ADAMTS5: variants seen among roughly 807,000 people sequenced by gnomAD.
ADAMTS5 encodes the protein A disintegrin and metalloproteinase with thrombospondin motifs 5.
In ADAMTS5, 54 loss-of-function variants were observed where a neutral mutation model predicts 81.4. The observed-to-expected ratio is 0.66, with a 90% confidence interval of 0.53 to 0.83. The LOEUF (loss-of-function observed/expected upper bound fraction) is 0.83. Ranked by LOEUF, ADAMTS5 falls within the 40% of genes least tolerant of loss-of-function variation. ADAMTS5 has a pLI of 0.00. For synonymous variants in ADAMTS5, 532 were observed against 508.8 expected (o/e 1.05, Z -0.61); for missense variants, 1,194 against 1,229.9 (o/e 0.97, Z 0.44).
intron 1 of ADAMTS5, among the ~76,000 whole-genome samples, chr21:26,964,408 A>G (rs1987595373): frequency 6.6e-6 from 1 of 152,182 alleles, no homozygotes; most frequent in Non-Finnish European, 1.5e-5. Flanking sequence ...CTTCCCCATA[A>G]CCATCTTTCT....
chr21:26,943,461 TGG>T lies in ADAMTS5; in HGVS notation c.1322_1323del (p.Ser441TyrfsTer6). On this transcript the variant is annotated frameshift_variant, in exon 3 of 8. Coordinates refer to ENST00000284987, the MANE Select transcript of ADAMTS5 (RefSeq NM_007038.5). LOFTEE classifies it high-confidence loss of function. Reference protein sequence around the residue: ...GSTEDKRLMSSILTSIDASKP... With the variant: ...GSTEDKRLMSXILTSIDASKP... ...TTAGATGCATCAATGCTGGTAAGGA[TGG>T]AAGACATTAAGCGCTTATCTTCTGT... 6.2e-7 allele frequency: 1 copy of T among 1,613,758 alleles called. No individual in the cohort carries two copies. Among genetic ancestry groups the T allele is most frequent in the Non-Finnish European group, 8.5e-7 (1 of 1,179,778 alleles).
chr21:26,962,853 C>A (rs926937441), intron 1 of ADAMTS5, among the ~76,000 whole-genome samples: 1 of 151,886 alleles, frequency 6.6e-6, no homozygotes, highest in East Asian at 1.9e-4. Context: ...GATCATCTCT[C>A]CTCCAGACTT....
At chr21:26,934,143 C>T (rs115727206) in intron 4 of ADAMTS5, among the ~76,000 whole-genome samples, 1,705 of 152,264 alleles carry the variant, frequency 0.011, 40 homozygotes, top group African/African-American at 0.039. Flanking sequence ...ATAACTTTAG[C>T]AAGAGAAGCT....
chr21:26,932,700 CA>C (rs199880148), intron 5 of ADAMTS5, among the ~76,000 whole-genome samples, 160 bp downstream of exon 5: 3 of 148,154 alleles, frequency 2.0e-5, no homozygotes, highest in South Asian at 2.1e-4. Context: ...GACTCCATCT[CA>C]AAAAAAAACA....
At chr21:26,950,062 C>G (rs1987289488) in intron 2 of ADAMTS5, among the ~76,000 whole-genome samples, 1 of 152,218 alleles carries the variant, frequency 6.6e-6, no homozygotes, top group Non-Finnish European at 1.5e-5. Flanking sequence ...CAACCACTTC[C>G]TAAGTCTCAG....
rs938291558 is a variant in ADAMTS5 at position 26,918,621 on chromosome 21, T to C, written c.*5432A>G. 1.3e-5 allele frequency: 2 copies of C among 151,946 alleles called. No homozygotes were observed. The highest frequency in any genetic ancestry group is 4.8e-5 in the African/African-American group (2 of 41,380). 9.4% of individuals were successfully genotyped at this position (151,946 alleles called of 1,614,324 possible). A position where few individuals can be genotyped will look rare whatever the true frequency, so the allele number is the denominator to read the frequency against. On this transcript the variant is annotated 3_prime_UTR_variant, in exon 8 of 8. Transcript: ENST00000284987. ...CTGAGTGTATAATGCAAAAATAGCA[T>C]CCAGAGATTATATATTTCTTAATCA...
At chr21:26,946,996 TGA>T (rs2123190854) in intron 2 of ADAMTS5, among the ~76,000 whole-genome samples, 2 of 152,242 alleles carry the variant, frequency 1.3e-5, no homozygotes, top group East Asian at 3.9e-4. Flanking sequence ...AAACTCCTAG[TGA>T]GAGAAAAGGC....
At chr21:26,952,804 T>A (rs1008256939) in intron 2 of ADAMTS5, among the ~76,000 whole-genome samples, 9 of 152,210 alleles carry the variant, frequency 5.9e-5, no homozygotes, top group African/African-American at 2.2e-4. Context: ...ACCTTTCTTA[T>A]GGGACTCCTC....
In ADAMTS5 at chr21:26,966,134, C is replaced by T. The variant is rs768399086; in HGVS notation, c.258G>A (p.Lys86=). The T allele has an allele frequency of 6.2e-7, 1 of 1,612,182 alleles. No homozygotes were observed. The highest frequency in any genetic ancestry group is 8.5e-7 in the Non-Finnish European group (1 of 1,179,524). The change falls in exon 1 of 8, where the codon AAG becomes AAA. Residue 86 remains lysine (K), a synonymous_variant. Coordinates refer to ENST00000284987, the MANE Select transcript of ADAMTS5 (RefSeq NM_007038.5). ...NIDQLYSGGG[K]VGYLVYAGGR... ...CGCCCGCGTAGACGAGGTAGCCCACCTTGCCGCCGCCGGAGTAGAGTTGGT... is the reference window on the plus strand; with the variant it reads ...CGCCCGCGTAGACGAGGTAGCCCACTTTGCCGCCGCCGGAGTAGAGTTGGT...
At chr21:26,963,822 T>A (rs1987580233) in intron 1 of ADAMTS5, among the ~76,000 whole-genome samples, 1 of 152,160 alleles carries the variant, frequency 6.6e-6, no homozygotes. Context: ...AGAAAATCAC[T>A]TAATGAGGAA....
At chr21:26,934,977 C>G (rs780591155) in intron 3 of ADAMTS5, among the ~76,000 whole-genome samples, 21 of 152,006 alleles carry the variant, frequency 1.4e-4, no homozygotes, top group Non-Finnish European at 2.9e-4. Flanking sequence ...GTGTCTGTAA[C>G]AACAGAGGTG....
intron 2 of ADAMTS5, among the ~76,000 whole-genome samples, chr21:26,948,602 T>A (rs1453685578): frequency 6.6e-6 from 1 of 152,216 alleles, no homozygotes. Flanking sequence ...GGATCATGCA[T>A]GCTTATTCAA....
At chr21:26,935,268 T>G (rs2123177129) in intron 3 of ADAMTS5, among the ~76,000 whole-genome samples, 1 of 152,222 alleles carries the variant, frequency 6.6e-6, no homozygotes, top group South Asian at 2.1e-4. Context: ...CCATAAATAA[T>G]AGCCAAGCTG....
intron 3 of ADAMTS5, among the ~76,000 whole-genome samples, chr21:26,935,296 AC>A (rs980098216): frequency 1.3e-5 from 2 of 152,128 alleles, no homozygotes; most frequent in African/African-American, 4.8e-5. Context: ...ATTCATTCTT[AC>A]AGTCACTCGA....
Position 26,966,205 on chromosome 21 carries a change from G to C in ADAMTS5, c.187C>G (p.Pro63Ala). 6.3e-7 allele frequency: 1 copy of C among 1,597,230 alleles called. No homozygotes were observed. Among genetic ancestry groups the C allele is most frequent in the South Asian group, 1.1e-5 (1 of 88,488 alleles). Reference protein sequence around the residue: ...ERAEPPGHPHPLAQRRRSKGL... With the variant: ...ERAEPPGHPHALAQRRRSKGL... ...TTGCTCCTGCGCCGCTGCGCCAGGG[G>C]GTGCGGGTGGCCGGGAGGCTCGGCT... Residue 63 changes from proline (P) to alanine (A), a missense_variant, in exon 1 of 8, where the codon CCC (proline) becomes GCC (alanine). Physicochemically the swap from Pro to Ala is conservative, Grantham distance 27 (BLOSUM62 -1). Around this residue, in one of 2 missense-constraint regions of ADAMTS5, gnomAD observed 498 missense variants for 412.3 expected, o/e 1.21. Coordinates refer to ENST00000284987, the MANE Select transcript of ADAMTS5 (RefSeq NM_007038.5).
At chr21:26,927,331 G>A (rs1383130566) in intron 7 of ADAMTS5, among the ~76,000 whole-genome samples, 2 of 152,230 alleles carry the variant, frequency 1.3e-5, no homozygotes, top group Non-Finnish European at 2.9e-5. Context: ...AAGAAACGGA[G>A]TAAGGTAAGA....
chr21:26,942,174 C>T (rs960648217), intron 3 of ADAMTS5, among the ~76,000 whole-genome samples: 3 of 152,064 alleles, frequency 2.0e-5, no homozygotes, highest in Admixed American at 6.5e-5. Context: ...GGTTAATGAA[C>T]ATATTTTGAC....
chr21:26,929,540 C>G (rs1986867058), intron 7 of ADAMTS5, among the ~76,000 whole-genome samples: 2 of 152,264 alleles, frequency 1.3e-5, no homozygotes, highest in South Asian at 4.1e-4. Context: ...CAAAACCAAC[C>G]AACCTTCCCT....
rs193045765 is a variant in ADAMTS5, at chr21:26,920,574, T to C, written c.*3479A>G. Reference sequence around the variant, plus strand: ...ACATTTGGTTTTATTATCGTTTGTATCCCTCAGAAGTTGTGTGTAGACAAC... The same window carrying C: ...ACATTTGGTTTTATTATCGTTTGTACCCCTCAGAAGTTGTGTGTAGACAAC... On this transcript the variant is annotated 3_prime_UTR_variant, in exon 8 of 8. Coordinates refer to ENST00000284987, the MANE Select transcript of ADAMTS5 (RefSeq NM_007038.5). 1 of 152,256 alleles carries C rather than the reference T, an allele frequency of 6.6e-6. No individual in the cohort carries two copies. Among genetic ancestry groups the C allele is most frequent in the African/African-American group, 2.4e-5 (1 of 41,562 alleles). The allele number at this position is 152,256 out of a possible 1,614,324, so 9.4% of individuals were successfully genotyped here. A position where few individuals can be genotyped will look rare whatever the true frequency, so the allele number is the denominator to read the frequency against.
Sources: gnomAD v4.1 joint callset for allele counts (sites outside exome capture counted in the v4.1 genomes callset) on GRCh38, gnomAD v4.1.1 for gene constraint, gnomAD v4.1.1 regional missense constraint, MANE v1.5 for transcripts, NCBI Gene and HGNC (gene_info 2026-07-23, HGNC 2026-07-21) for gene names.